Variants in FGF14 observed in about 807,000 individuals in gnomAD.
FGF14 encodes the protein fibroblast growth factor 14, also known as fibroblast growth factor homologous factor 4.
FGF14 carries 5 observed loss-of-function variants against 25.5 expected under a neutral mutation model. The ratio of observed to expected loss-of-function variants is 0.20; its 90% CI spans 0.10 to 0.41. The LOEUF (loss-of-function observed/expected upper bound fraction) is 0.41, where lower values mean the gene tolerates loss of function less well. Ranked by LOEUF, FGF14 falls within the 10% of genes least tolerant of loss-of-function variation. FGF14 has a pLI of 1.00. For synonymous variants in FGF14, 138 were observed against 118.3 expected (o/e 1.17, Z -1.08); for missense variants, 222 against 320.1 (o/e 0.69, Z 2.34).
chr13:101,835,585 C>T (rs1472081489), intron 3 of FGF14, among the ~76,000 whole-genome samples: 1 of 151,936 alleles, frequency 6.6e-6, no homozygotes, highest in African/African-American at 2.4e-5. Flanking sequence ...AAAATAGGCA[C>T]AGCGTGGTCC....
intron 1 of FGF14, among the ~76,000 whole-genome samples, chr13:102,284,512 G>GA (rs976095832): frequency 2.0e-5 from 3 of 151,610 alleles, no homozygotes; most frequent in East Asian, 1.9e-4. Context: ...ATTAAAAAAT[G>GA]AAAAAAATAT....
intron 1 of FGF14, among the ~76,000 whole-genome samples, chr13:101,895,664 A>T (rs2030537858): frequency 6.6e-6 from 1 of 152,198 alleles, no homozygotes; most frequent in Non-Finnish European, 1.5e-5. Context: ...AAAAGAATGC[A>T]TCAATTTGCA....
intron 2 of FGF14, among the ~76,000 whole-genome samples, chr13:101,871,860 G>T (rs537228690): frequency 6.6e-6 from 1 of 152,106 alleles, no homozygotes; most frequent in East Asian, 1.9e-4. Context: ...ACTTGCTACA[G>T]TATTTTCTCC....
At chr13:102,006,554 C>T (rs1218663425) in intron 1 of FGF14, among the ~76,000 whole-genome samples, 1 of 151,902 alleles carries the variant, frequency 6.6e-6, no homozygotes, top group African/African-American at 2.4e-5. Flanking sequence ...AACTCCTGAC[C>T]TTTTTTTAAA....
chr13:101,998,577 T>A (rs2039313332), intron 1 of FGF14, among the ~76,000 whole-genome samples: 4 of 152,198 alleles, frequency 2.6e-5, no homozygotes, highest in Admixed American at 2.0e-4. Context: ...TTAGTTGGAT[T>A]TTGTTTTGTG....
intron 1 of FGF14, among the ~76,000 whole-genome samples, chr13:102,050,771 T>G (rs939127965): frequency 1.3e-5 from 2 of 151,368 alleles, no homozygotes; most frequent in African/African-American, 4.9e-5. Flanking sequence ...AGCAATACAG[T>G]AGAGAGAAAA....
At chr13:102,387,496 C>T (rs1315450773) in intron 1 of FGF14, among the ~76,000 whole-genome samples, 1 of 152,078 alleles carries the variant, frequency 6.6e-6, no homozygotes, top group East Asian at 1.9e-4. Context: ...AAAAAAAAGT[C>T]CTTATATCCA....
chr13:101,972,991 G>C (rs970748153), intron 1 of FGF14, among the ~76,000 whole-genome samples: 4 of 152,158 alleles, frequency 2.6e-5, no homozygotes, highest in Non-Finnish European at 5.9e-5. Flanking sequence ...CAGAAATATT[G>C]TTGACTTGCT....
At chr13:102,011,973 C>A (rs531552792) in intron 1 of FGF14, among the ~76,000 whole-genome samples, 3 of 152,108 alleles carry the variant, frequency 2.0e-5, no homozygotes, top group Non-Finnish European at 4.4e-5. Flanking sequence ...GTAATAAATT[C>A]GTTCTTTTAT....
intron 1 of FGF14, among the ~76,000 whole-genome samples, chr13:101,974,908 G>A (rs1431616266): frequency 6.6e-6 from 1 of 152,140 alleles, no homozygotes; most frequent in Non-Finnish European, 1.5e-5. Flanking sequence ...TGATGTGATG[G>A]GTAAAGAAGC....
intron 1 of FGF14, among the ~76,000 whole-genome samples, chr13:102,057,368 T>C (rs568200195): frequency 1.3e-5 from 2 of 152,302 alleles, no homozygotes; most frequent in East Asian, 3.9e-4. Context: ...CAGTCAACAG[T>C]GAGTCTGATT....
At chr13:102,323,034 C>T (rs551835234) in intron 1 of FGF14, among the ~76,000 whole-genome samples, 2 of 152,290 alleles carry the variant, frequency 1.3e-5, no homozygotes, top group South Asian at 4.1e-4. Flanking sequence ...AAAGGTGAAA[C>T]AGAAGCCCTG....
In FGF14 at chr13:101,798,133, A is replaced by C. The variant is rs139623973; in HGVS notation, c.408+70592T>G. Among the ~76,000 whole-genome samples the C allele has an allele frequency of 6.8e-3, 1,033 of 152,248 alleles. 11 individuals are homozygous for C. The highest frequency in any genetic ancestry group is 0.023 in the African/African-American group (950 of 41,556). Reference sequence around the variant, plus strand: ...CTTAAGGAACTTTGCATTCTAATAAAAGAAAAAAGCTGACTTGAATCGCTA... The same window carrying C: ...CTTAAGGAACTTTGCATTCTAATAACAGAAAAAAGCTGACTTGAATCGCTA... On this transcript the variant is annotated intron_variant, in intron 3 of 4. Coordinates refer to ENST00000376143, the MANE Select transcript of FGF14 (RefSeq NM_004115.4).
At chr13:102,081,507 G>A (rs1364433611) in intron 1 of FGF14, among the ~76,000 whole-genome samples, 1 of 151,906 alleles carries the variant, frequency 6.6e-6, no homozygotes, top group African/African-American at 2.4e-5. Context: ...CACTGGCTTT[G>A]GTCAAAATAT....
At chr13:102,401,816 C>A, upstream of FGF14, 2 of 764,542 alleles carry the variant, frequency 2.6e-6, no homozygotes. Context: ...CGGATTATTA[C>A]CAAAGGGTTG....
intron 2 of FGF14, among the ~76,000 whole-genome samples, chr13:101,872,666 T>C (rs1272248366): frequency 6.6e-6 from 1 of 152,176 alleles, no homozygotes; most frequent in Non-Finnish European, 1.5e-5. Flanking sequence ...GCTACGATTC[T>C]GCCAATTGTA....
At chr13:102,356,137 G>C (rs551293325) in intron 1 of FGF14, among the ~76,000 whole-genome samples, 7 of 152,294 alleles carry the variant, frequency 4.6e-5, no homozygotes, top group African/African-American at 1.4e-4. Flanking sequence ...AAAATAAAGA[G>C]ATGAACATTT....
chr13:102,288,212 C>A (rs1418947064), intron 1 of FGF14, among the ~76,000 whole-genome samples: 1 of 152,144 alleles, frequency 6.6e-6, no homozygotes, highest in Non-Finnish European at 1.5e-5. Context: ...ATATTGCCAA[C>A]TAAAATCTAC....
chr13:101,906,161 G>A (rs2032216199), intron 1 of FGF14, among the ~76,000 whole-genome samples: 1 of 152,130 alleles, frequency 6.6e-6, no homozygotes, highest in Admixed American at 6.5e-5. Flanking sequence ...AAGCAAGACA[G>A]CAAATGCATT....
Sources: gnomAD v4.1 joint callset for allele counts (sites outside exome capture counted in the v4.1 genomes callset) on GRCh38, gnomAD v4.1.1 for gene constraint, MANE v1.5 for transcripts, NCBI Gene and HGNC (gene_info 2026-07-23, HGNC 2026-07-21) for gene names.